The following UBTD1 variants were observed in gnomAD, a reference collection of about 807,000 sequenced individuals.
UBTD1 encodes ubiquitin domain-containing protein 1.
UBTD1 carries 19 observed loss-of-function variants against 21.7 expected under a neutral mutation model. That is an observed-to-expected ratio of 0.87 (90% CI 0.61 to 1.28). The LOEUF (loss-of-function observed/expected upper bound fraction) is 1.28, where lower values mean the gene tolerates loss of function less well. Ranked by LOEUF, UBTD1 falls within the 50% of genes most tolerant of loss-of-function variation. The probability of loss-of-function intolerance (pLI) is 0.00; values close to 1 mark genes in which losing one functional copy is unlikely to be tolerated. For synonymous variants in UBTD1, 116 were observed against 135.1 expected, an observed-to-expected ratio of 0.86 and a Z score of 0.98; for missense variants, 282 against 315.1, an observed-to-expected ratio of 0.89 and a Z score of 0.80.
intron 1 of UBTD1, among the ~76,000 whole-genome samples, chr10:97,540,587 G>T (rs1425239995): frequency 6.6e-6 from 1 of 152,220 alleles, no homozygotes; most frequent in Non-Finnish European, 1.5e-5. Flanking sequence ...CTCCTGTAAG[G>T]TATAGTTATT....
At chr10:97,539,290 C>T (rs970961403) in intron 1 of UBTD1, among the ~76,000 whole-genome samples, 8 of 152,146 alleles carry the variant, frequency 5.3e-5, no homozygotes, top group Admixed American at 4.6e-4. Context: ...AAGCCTTTCA[C>T]TAACTTCGAA....
At chr10:97,557,234 G>A (rs2040668677) in intron 1 of UBTD1, among the ~76,000 whole-genome samples, 1 of 152,162 alleles carries the variant, frequency 6.6e-6, no homozygotes, top group Admixed American at 6.5e-5. Flanking sequence ...GGCACATTTA[G>A]TTCATCATAG....
chr10:97,538,337 T>A (rs59000835), intron 1 of UBTD1, among the ~76,000 whole-genome samples: 4,687 of 152,096 alleles, frequency 0.031, 258 homozygotes, highest in African/African-American at 0.11. Flanking sequence ...ATTTTATTTT[T>A]AAAAAAGTAA....
chr10:97,542,872 G>A (rs984142298), intron 1 of UBTD1, among the ~76,000 whole-genome samples: 23 of 152,222 alleles, frequency 1.5e-4, no homozygotes, highest in African/African-American at 5.5e-4. Flanking sequence ...CCTCGCAGAG[G>A]CCTCATTAAA....
intron 1 of UBTD1, among the ~76,000 whole-genome samples, chr10:97,561,284 C>T (rs1006150755): frequency 2.0e-5 from 3 of 152,058 alleles, no homozygotes; most frequent in Admixed American, 6.5e-5. Flanking sequence ...CTGCCTCAGC[C>T]GTCCGTGAGT....
intron 1 of UBTD1, among the ~76,000 whole-genome samples, chr10:97,541,311 T>C (rs893134484): frequency 6.6e-6 from 1 of 152,052 alleles, no homozygotes; most frequent in Non-Finnish European, 1.5e-5. Context: ...ATCTCATCTC[T>C]ACAAAAAATC....
At chr10:97,517,111 C>T (rs1354725101) in intron 1 of UBTD1, among the ~76,000 whole-genome samples, 1 of 151,704 alleles carries the variant, frequency 6.6e-6, no homozygotes, top group Admixed American at 6.6e-5. Flanking sequence ...TGGTGGCACT[C>T]CAGGCAGCAA....
At chr10:97,517,745 C>T (rs552910060) in intron 1 of UBTD1, among the ~76,000 whole-genome samples, 3 of 152,264 alleles carry the variant, frequency 2.0e-5, no homozygotes, top group East Asian at 1.9e-4. Flanking sequence ...ACCGTGTTCC[C>T]GGTCCCTGGG....
intron 1 of UBTD1, among the ~76,000 whole-genome samples, chr10:97,560,675 A>C (rs199723706): frequency 6.6e-6 from 1 of 152,118 alleles, no homozygotes; most frequent in Admixed American, 6.6e-5. Context: ...TATTTCACAC[A>C]AAGTTCTAAG....
At chr10:97,541,830 G>A (rs1295368224) in intron 1 of UBTD1, among the ~76,000 whole-genome samples, 3 of 149,218 alleles carry the variant, frequency 2.0e-5, no homozygotes, top group Non-Finnish European at 4.4e-5. Flanking sequence ...CGCCTCCCTA[G>A]TTTAAGAAAT....
intron 1 of UBTD1, among the ~76,000 whole-genome samples, chr10:97,507,703 G>T (rs1013933022): frequency 6.6e-6 from 1 of 150,428 alleles, no homozygotes; most frequent in Non-Finnish European, 1.5e-5. Flanking sequence ...TTGAACCTGG[G>T]AGGCGGAGGT....
intron 1 of UBTD1, among the ~76,000 whole-genome samples, chr10:97,500,426 A>G (rs2135649208): frequency 6.6e-6 from 1 of 152,314 alleles, no homozygotes; most frequent in Admixed American, 6.5e-5. Context: ...GTGGAGGCAG[A>G]AATGTGTTTT....
At position 97,570,417 on chromosome 10, in the gene UBTD1, T is replaced by A. The variant is rs781697459; in HGVS notation, c.578T>A (p.Phe193Tyr). The A allele has an allele frequency of 6.2e-7, 1 of 1,613,178 alleles. No homozygotes were observed. Among genetic ancestry groups the A allele is most frequent in the African/African-American group, 1.3e-5 (1 of 74,900 alleles). Residue 193 changes from phenylalanine (F) to tyrosine (Y), a missense_variant, in exon 3 of 3, where the codon TTC becomes TAC. Transcript: ENST00000370664. The surrounding 1 kb of genome is among the most constrained non-coding windows in gnomAD (Gnocchi z 6.6). ...GAGCCATCGTGGCAGCGGTGGTTCT[T>A]CTCCGGGAAGCTGCTCACAGACCGC... ...GIEPSWQRWF[F>Y]SGKLLTDRTR...
intron 1 of UBTD1, among the ~76,000 whole-genome samples, chr10:97,531,342 CT>C (rs2040531111): frequency 6.6e-6 from 1 of 152,126 alleles, no homozygotes; most frequent in African/African-American, 2.4e-5. Flanking sequence ...TCCTGAGCAG[CT>C]GGGATTACAG....
At chr10:97,568,272 A>G in intron 2 of UBTD1, 131 bp downstream of exon 2, 1 of 889,832 alleles carries the variant, frequency 1.1e-6, no homozygotes, top group Non-Finnish European at 1.7e-6. Flanking sequence ...AGCACCCCTT[A>G]CTGAGCATGG....
intron 1 of UBTD1, among the ~76,000 whole-genome samples, chr10:97,521,987 A>G (rs932917145): frequency 6.6e-6 from 1 of 152,224 alleles, no homozygotes; most frequent in Non-Finnish European, 1.5e-5. Flanking sequence ...CTTTGGATAC[A>G]GAGAGGTGTG....
intron 1 of UBTD1, among the ~76,000 whole-genome samples, chr10:97,503,370 G>A (rs1311589364): frequency 6.6e-6 from 1 of 152,134 alleles, no homozygotes; most frequent in African/African-American, 2.4e-5. Flanking sequence ...TGTACACTAG[G>A]TAGATAAATA....
At chr10:97,553,677 C>G (rs2135682023) in intron 1 of UBTD1, among the ~76,000 whole-genome samples, 1 of 152,262 alleles carries the variant, frequency 6.6e-6, no homozygotes, top group Middle Eastern at 3.4e-3. Flanking sequence ...CCCAGAGGTG[C>G]TGCGGCTGCC....
chr10:97,546,907 C>G (rs1392692565), intron 1 of UBTD1, among the ~76,000 whole-genome samples: 2 of 152,194 alleles, frequency 1.3e-5, no homozygotes. Context: ...CACACTCTCT[C>G]TCTCTCTCTC....
Sources: gnomAD v4.1 joint callset for allele counts (sites outside exome capture counted in the v4.1 genomes callset) on GRCh38, gnomAD v4.1.1 for gene constraint, Gnocchi (gnomAD v3.1) non-coding constraint, MANE v1.5 for transcripts, NCBI Gene and HGNC (gene_info 2026-07-23, HGNC 2026-07-21) for gene names.